PCDHGA3: variants seen among roughly 807,000 people sequenced by gnomAD.
The protein encoded by PCDHGA3 is protocadherin gamma-A3.
PCDHGA3 carries 40 observed loss-of-function variants against 58.5 expected under a neutral mutation model. That is an observed-to-expected ratio of 0.68 (90% CI 0.53 to 0.89). The LOEUF (loss-of-function observed/expected upper bound fraction) is 0.89, where lower values mean the gene tolerates loss of function less well. Ranked by LOEUF, PCDHGA3 falls within the 40% of genes least tolerant of loss-of-function variation. PCDHGA3 has a pLI of 0.00. For synonymous variants in PCDHGA3, 530 were observed against 525.7 expected (o/e 1.01, Z -0.11); for missense variants, 1,223 against 1,195.9 (o/e 1.02, Z -0.33).
Position 141,432,326 on chromosome 5 carries a change from G to C in PCDHGA3, c.2425-62481G>C. The C allele has an allele frequency of 1.2e-6, 2 of 1,614,228 alleles. No individual in the cohort carries two copies. The highest frequency in any genetic ancestry group is 2.2e-5 in the East Asian group (1 of 44,890). On this transcript the variant is annotated intron_variant, in intron 1 of 3. Transcript: ENST00000253812. This position sits in a 1 kb window ranked among gnomAD's most constrained non-coding sequence, Gnocchi z 6.0. ...GTATGCGCTGAGCTCCTTCGACTAC[G>C]AGCAGTTCCGAGACTTGCAAGTGAA...
chr5:141,364,403 G>C, intron 1 of PCDHGA3: 6 of 1,608,570 alleles, frequency 3.7e-6, no homozygotes, highest in Non-Finnish European at 5.1e-6. Context: ...GACGCTGTGC[G>C]AGCCAGGATC....
At chr5:141,369,576 C>T (rs1388999909) in intron 1 of PCDHGA3, among the ~76,000 whole-genome samples, 1 of 152,202 alleles carries the variant, frequency 6.6e-6, no homozygotes, top group Non-Finnish European at 1.5e-5. Context: ...AAGAGACCCT[C>T]TTGCTTTTTA....
intron 1 of PCDHGA3, among the ~76,000 whole-genome samples, chr5:141,401,891 T>C (rs1196463391): frequency 6.6e-6 from 1 of 152,200 alleles, no homozygotes; most frequent in Non-Finnish European, 1.5e-5. Context: ...TTTTGTGTTC[T>C]TTTTCCCAAA....
chr5:141,355,192 G>A, intron 1 of PCDHGA3: 5 of 1,592,970 alleles, frequency 3.1e-6, no homozygotes, highest in African/African-American at 1.3e-5. Context: ...ACTCCGCGGC[G>A]GGGTTGTAAT....
Position 141,400,379 on chromosome 5 carries a change from G to C in PCDHGA3, c.2424+53922G>C, listed in dbSNP as rs759135733. 3 of 1,613,922 alleles carry C rather than the reference G, an allele frequency of 1.9e-6. No homozygotes were observed. The East Asian group carries it at 6.7e-5, about 36-fold the overall frequency. ...ACTTTGCCTTATTCCTACAACCTAT[G>C]TGTTGCACATACAGGAAAGACGGAG... On this transcript the variant is annotated intron_variant, in intron 1 of 3. Coordinates refer to ENST00000253812, the MANE Select transcript of PCDHGA3 (RefSeq NM_018916.4).
At chr5:141,478,395 T>C in intron 1 of PCDHGA3, 1 of 1,613,510 alleles carries the variant, frequency 6.2e-7, no homozygotes, top group Non-Finnish European at 8.5e-7. Flanking sequence ...TACCATCAGG[T>C]GTATCTCACC....
chr5:141,383,424 T>A, intron 1 of PCDHGA3: 1 of 1,613,978 alleles, frequency 6.2e-7, no homozygotes, highest in Non-Finnish European at 8.5e-7. Context: ...TCAGCCCCAA[T>A]CGCCACTTCT....
intron 1 of PCDHGA3, chr5:141,366,073 C>T (rs766163319): frequency 3.7e-6 from 6 of 1,614,234 alleles, no homozygotes; most frequent in Non-Finnish European, 5.1e-6. Flanking sequence ...CGCCTCGCTC[C>T]GCAGAACCTG....
At chr5:141,403,416 C>T in intron 1 of PCDHGA3, 1 of 1,614,034 alleles carries the variant, frequency 6.2e-7, no homozygotes, top group Non-Finnish European at 8.5e-7. Context: ...TATCCACTTC[C>T]AGAAGCTATT....
At chr5:141,383,914 G>C (rs1167823249) in intron 1 of PCDHGA3, 9 of 1,613,960 alleles carry the variant, frequency 5.6e-6, no homozygotes, top group Non-Finnish European at 6.8e-6. Flanking sequence ...CACAGTTTTA[G>C]ATGTAAATGA....
intron 1 of PCDHGA3, among the ~76,000 whole-genome samples, chr5:141,407,220 A>G (rs569421185): frequency 6.6e-6 from 1 of 152,342 alleles, no homozygotes; most frequent in East Asian, 1.9e-4. Context: ...TTAAGTGGGT[A>G]GCAAAAAAAA....
At chr5:141,423,659 A>T (rs369390148) in intron 1 of PCDHGA3, 133 of 1,551,038 alleles carry the variant, frequency 8.6e-5, no homozygotes, top group Non-Finnish European at 1.1e-4. Context: ...ACAAGTAATC[A>T]GGTGAGATTT....
intron 1 of PCDHGA3, chr5:141,366,272 G>A (rs749693337): frequency 6.2e-7 from 1 of 1,613,608 alleles, no homozygotes. Context: ...GGCCGTCGAA[G>A]ACCATGGCCA....
chr5:141,442,697 G>C (rs1443734141), intron 1 of PCDHGA3, among the ~76,000 whole-genome samples: 2 of 152,258 alleles, frequency 1.3e-5, no homozygotes, highest in East Asian at 1.9e-4. Flanking sequence ...AGGCAGACAA[G>C]AGTATCAGAC....
rs560084217 is a variant in PCDHGA3 at position 141,395,247 on chromosome 5, G to A, written c.2424+48790G>A. On this transcript the variant is annotated intron_variant, in intron 1 of 3. Transcript: ENST00000253812. ...AGCTGATCATGGTCAGGTGAGTTTA[G>A]TTCTTTGCTTGCTTTTAATTTCCAG... 4 of 1,561,194 alleles carry A rather than the reference G, an allele frequency of 2.6e-6. No individual in the cohort carries two copies. The East Asian group carries it at 9.1e-5, about 35-fold the overall frequency.
At chr5:141,404,123 T>A (rs1477938356) in intron 1 of PCDHGA3, 4 of 1,613,394 alleles carry the variant, frequency 2.5e-6, no homozygotes, top group Admixed American at 1.7e-5. Context: ...GGAGAATCTA[T>A]CTTTTACATT....
Position 141,486,886 on chromosome 5 carries a change from G to A in PCDHGA3, c.2425-7921G>A. The A allele has an allele frequency of 1.9e-6, 3 of 1,614,222 alleles. No individual in the cohort carries two copies. The highest frequency in any genetic ancestry group is 2.5e-6 in the Non-Finnish European group (3 of 1,180,044). ...CAGCTGTGCTCCGTCCTCGGGCCCGGCCTGGTTCCTTATGTCCCCAAGCAC... is the reference window on the plus strand; with the variant it reads ...CAGCTGTGCTCCGTCCTCGGGCCCGACCTGGTTCCTTATGTCCCCAAGCAC... On this transcript the variant is annotated intron_variant, in intron 1 of 3. Coordinates refer to ENST00000253812, the MANE Select transcript of PCDHGA3 (RefSeq NM_018916.4). This position sits in a 1 kb window ranked among gnomAD's most constrained non-coding sequence, Gnocchi z 5.0.
intron 1 of PCDHGA3, chr5:141,478,531 C>A (rs771145308): frequency 8.1e-6 from 13 of 1,608,072 alleles, no homozygotes; most frequent in Admixed American, 5.1e-5. Context: ...GTGCAGAGAG[C>A]GCCCCTCCCG....
In PCDHGA3 at chr5:141,474,831, G is replaced by A. The variant is rs188288898; in HGVS notation, c.2425-19976G>A. On this transcript the variant is annotated intron_variant, in intron 1 of 3. Coordinates refer to ENST00000253812, the MANE Select transcript of PCDHGA3 (RefSeq NM_018916.4). ...CATCATTAATTGAGGCTTACTCTGTGCCAGGCACTTTACCTGCCTTCTTCA... is the reference window on the plus strand; with the variant it reads ...CATCATTAATTGAGGCTTACTCTGTACCAGGCACTTTACCTGCCTTCTTCA... 5.3e-5 allele frequency among the ~76,000 whole-genome samples: 8 copies of A among 152,350 alleles called. No individual in the cohort carries two copies. The East Asian group carries it at 1.5e-3, about 29-fold the overall frequency.
Sources: allele counts gnomAD v4.1 joint callset (sites outside exome capture counted in the v4.1 genomes callset), GRCh38; gene constraint gnomAD v4.1.1; non-coding constraint Gnocchi (gnomAD v3.1); transcripts MANE v1.5; gene names NCBI Gene and HGNC (gene_info 2026-07-23, HGNC 2026-07-21).